The following TRPM8 variants were observed in gnomAD, a reference collection of about 807,000 sequenced individuals.
The protein encoded by TRPM8 is TRPM8 cationic channel.
Under a neutral mutation model 133.7 loss-of-function variants are expected in TRPM8, and 110 were observed. The observed-to-expected ratio is 0.82, with a 90% confidence interval of 0.70 to 0.96. The LOEUF (loss-of-function observed/expected upper bound fraction) is 0.96, where lower values mean the gene tolerates loss of function less well. Among genes scored for constraint, TRPM8 ranks in the 40% least tolerant of loss-of-function variants. The pLI is 0.00. For missense variants in TRPM8, 1,291 were observed against 1,379.5 expected, an observed-to-expected ratio of 0.94 and a Z score of 1.02; for synonymous variants, 535 against 532.3, an observed-to-expected ratio of 1.01 and a Z score of -0.07.
chr2:234,000,998 G>A (rs1410745968), intron 22 of TRPM8, among the ~76,000 whole-genome samples: 1 of 152,220 alleles, frequency 6.6e-6, no homozygotes, highest in Non-Finnish European at 1.5e-5. Context: ...ATTTTTAATA[G>A]TAGGTTTAAT....
At chr2:233,934,941 A>G (rs1378845700) in intron 3 of TRPM8, among the ~76,000 whole-genome samples, 1 of 152,252 alleles carries the variant, frequency 6.6e-6, no homozygotes, top group African/African-American at 2.4e-5. Flanking sequence ...TGCTTTTAGA[A>G]TGAATCCTAC....
At chr2:233,963,814 A>G (rs1691498111) in intron 13 of TRPM8, among the ~76,000 whole-genome samples, 1 of 152,170 alleles carries the variant, frequency 6.6e-6, no homozygotes, top group South Asian at 2.1e-4. Flanking sequence ...CTTTATTTTG[A>G]GAGATAAGCT....
intron 15 of TRPM8, among the ~76,000 whole-genome samples, chr2:233,967,854 TC>T (rs1691614688): frequency 6.6e-6 from 1 of 152,010 alleles, no homozygotes; most frequent in Non-Finnish European, 1.5e-5. Flanking sequence ...ACTTATGTCT[TC>T]CTGGGCCCCA....
intron 13 of TRPM8, among the ~76,000 whole-genome samples, 181 bp downstream of exon 13, chr2:233,963,558 G>A (rs564867139): frequency 1.3e-5 from 2 of 152,302 alleles, no homozygotes; most frequent in South Asian, 2.1e-4. Flanking sequence ...GACCGTCCCC[G>A]GAAAGTAGTC....
chr2:234,002,179 C>G (rs1373246149), intron 22 of TRPM8, among the ~76,000 whole-genome samples: 2 of 151,664 alleles, frequency 1.3e-5, no homozygotes, highest in Non-Finnish European at 1.5e-5. Context: ...TGGAATTAGC[C>G]AAGCAAAGAG....
In TRPM8 at chr2:233,969,720, G is replaced by A. The variant is rs1366211597; in HGVS notation, c.2051G>A (p.Gly684Glu). The change falls in exon 16 of 26, where the codon GGA becomes GAA. Residue 684 changes from glycine to glutamate, a missense_variant. Physicochemically the swap from Gly to Glu is moderately conservative, Grantham distance 98. Transcript: ENST00000324695. ...VQNFLSKQWY[G>E]EISRDTKNWK... ...AATTTTCTTTCTAAGCAATGGTATGGAGAGATTTCCCGAGACACCAAGAAC... is the reference window on the plus strand; with the variant it reads ...AATTTTCTTTCTAAGCAATGGTATGAAGAGATTTCCCGAGACACCAAGAAC... The A allele has an allele frequency of 1.2e-6, 2 of 1,612,870 alleles. No homozygotes were observed. Among genetic ancestry groups the A allele is most frequent in the Non-Finnish European group, 1.7e-6 (2 of 1,179,014 alleles).
chr2:233,975,397 G>A (rs909241509), intron 17 of TRPM8, among the ~76,000 whole-genome samples: 1 of 152,176 alleles, frequency 6.6e-6, no homozygotes, highest in African/African-American at 2.4e-5. Flanking sequence ...GTGTTCTCTA[G>A]GGCAGAGGGC....
chr2:233,925,075 A>G (rs1354364344), intron 1 of TRPM8, among the ~76,000 whole-genome samples: 1 of 152,148 alleles, frequency 6.6e-6, no homozygotes, highest in African/African-American at 2.4e-5. Context: ...CCCTGGGCTG[A>G]GGGTCTGAGA....
At chr2:234,011,039 A>G (rs17865680) in intron 24 of TRPM8, among the ~76,000 whole-genome samples, 31,151 of 152,168 alleles carry the variant, frequency 0.2, 3,421 homozygotes, top group Middle Eastern at 0.3. Context: ...ATCCAAAAAA[A>G]TCATTGCCAC....
intron 11 of TRPM8, among the ~76,000 whole-genome samples, chr2:233,956,556 T>C (rs142852882): frequency 6.6e-5 from 10 of 152,364 alleles, no homozygotes; most frequent in African/African-American, 2.2e-4. Flanking sequence ...TGATAATATA[T>C]GTAATTTTAT....
chr2:233,946,104 C>A, intron 7 of TRPM8, 74 bp downstream of exon 7: 1 of 1,406,358 alleles, frequency 7.1e-7, no homozygotes, highest in Non-Finnish European at 9.9e-7. Flanking sequence ...ACAATCACTA[C>A]CAACTATTGA....
chr2:233,918,612 C>T (rs1412079062), intron 1 of TRPM8, among the ~76,000 whole-genome samples: 1 of 152,120 alleles, frequency 6.6e-6, no homozygotes, highest in Non-Finnish European at 1.5e-5. Context: ...CTTCGGGAGC[C>T]TCCACTGGCT....
intron 10 of TRPM8, 33 bp downstream of exon 10, chr2:233,954,052 C>G (rs2125143503): frequency 6.8e-7 from 1 of 1,468,466 alleles, no homozygotes; most frequent in South Asian, 1.3e-5. Flanking sequence ...GAAGTGTCAG[C>G]TTTGTGTTGC....
Position 233,989,425 on chromosome 2 carries a change from G to A in TRPM8, c.2939+3560G>A, listed in dbSNP as rs1038424023. On this transcript the variant is annotated intron_variant, in intron 21 of 25. Transcript: ENST00000324695. The surrounding 1 kb of genome is among the most constrained non-coding windows in gnomAD (Gnocchi z 4.2). ...ACAGCTTGCAACATCCCTGTCCTTG[G>A]GGAACCTCCTCGATTAGCTCCGGCT... Among the ~76,000 whole-genome samples the A allele has an allele frequency of 4.6e-5, 7 of 152,266 alleles. No homozygotes were observed. Among genetic ancestry groups the A allele is most frequent in the African/African-American group, 1.7e-4 (7 of 41,538 alleles).
intron 11 of TRPM8, among the ~76,000 whole-genome samples, chr2:233,959,089 G>A (rs1308549782): frequency 6.6e-6 from 1 of 152,186 alleles, no homozygotes; most frequent in Non-Finnish European, 1.5e-5. Context: ...GCAATGGCAT[G>A]ATCTCAGCTC....
At chr2:234,010,438 A>G (rs1161260666) in intron 24 of TRPM8, among the ~76,000 whole-genome samples, 1 of 152,212 alleles carries the variant, frequency 6.6e-6, no homozygotes, top group African/African-American at 2.4e-5. Flanking sequence ...TGCTGCAGTG[A>G]ATGTGAGAAT....
intron 6 of TRPM8, 21 bp downstream of exon 6, chr2:233,942,769 G>A (rs201820360): frequency 2.5e-6 from 4 of 1,613,242 alleles, no homozygotes; most frequent in African/African-American, 1.3e-5. Flanking sequence ...GACAGGAGGA[G>A]GTCTGCTAGG....
At chr2:233,980,904 A>G (rs368715184) in intron 18 of TRPM8, among the ~76,000 whole-genome samples, 22 of 152,222 alleles carry the variant, frequency 1.4e-4, no homozygotes, top group East Asian at 9.7e-4. Flanking sequence ...GTCGTCCCCA[A>G]ATAGCTTTTA....
chr2:233,953,309 G>A (rs935638055), intron 9 of TRPM8, among the ~76,000 whole-genome samples: 147 of 152,208 alleles, frequency 9.7e-4, no homozygotes, highest in African/African-American at 3.4e-3. Flanking sequence ...TCAGTCTAAT[G>A]GAAACCAGAC....
Sources: allele counts gnomAD v4.1 joint callset (sites outside exome capture counted in the v4.1 genomes callset), GRCh38; gene constraint gnomAD v4.1.1; non-coding constraint Gnocchi (gnomAD v3.1); transcripts MANE v1.5; gene names NCBI Gene and HGNC (gene_info 2026-07-23, HGNC 2026-07-21).